Variants in TENM3 observed in about 807,000 individuals in gnomAD.
TENM3 encodes the protein teneurin-3.
Under a neutral mutation model 255.1 loss-of-function variants are expected in TENM3, and 63 were observed. The observed-to-expected ratio is 0.25, with a 90% CI of 0.20 to 0.30. TENM3 has a LOEUF of 0.30. TENM3 is among the 10% of genes least tolerant of loss of function. TENM3 has a pLI of 1.00. For synonymous variants in TENM3, 1,306 were observed against 1,322.3 expected (o/e 0.99, Z 0.27); for missense variants, 2,929 against 3,461.1 (o/e 0.85, Z 3.86).
chr4:182,183,842 T>C (rs1161740978), intron 1 of TENM3, among the ~76,000 whole-genome samples: 1 of 152,216 alleles, frequency 6.6e-6, no homozygotes, highest in Non-Finnish European at 1.5e-5. Context: ...TCTTTTACAT[T>C]CTAGTCTTCA....
chr4:182,480,706 T>C (rs1445877795), intron 3 of TENM3, among the ~76,000 whole-genome samples: 1 of 152,088 alleles, frequency 6.6e-6, no homozygotes, highest in Non-Finnish European at 1.5e-5. Flanking sequence ...ATTTTTCTTT[T>C]TTTTGAAAAA....
At chr4:182,143,414 C>T (rs910377452), upstream of TENM3, 1 of 166,948 alleles carries the variant, frequency 6.0e-6, no homozygotes, top group African/African-American at 2.4e-5. This position sits in a 1 kb window ranked among gnomAD's most constrained non-coding sequence, Gnocchi z 4.3. Context: ...TTTTCAGAGG[C>T]TCTGCAAAGG....
the TENM3 span, among the ~76,000 whole-genome samples, chr4:181,856,214 T>G: frequency 6.6e-6 from 1 of 150,868 alleles, no homozygotes; most frequent in African/African-American, 2.5e-5. Context: ...TCCCAGACCT[T>G]GAGGAATTTA....
the TENM3 span, among the ~76,000 whole-genome samples, chr4:181,789,034 A>T: frequency 6.6e-6 from 1 of 152,154 alleles, no homozygotes; most frequent in African/African-American, 2.4e-5. Flanking sequence ...CGCTGTTGGG[A>T]TACTGGCTAG....
chr4:181,744,956 G>T, the TENM3 span, among the ~76,000 whole-genome samples: 8 of 152,166 alleles, frequency 5.3e-5, no homozygotes, highest in Admixed American at 3.3e-4. Context: ...GGTGAACAGT[G>T]TAATCTGTGA....
At chr4:182,662,954 AGTCCCCT>A (rs1754352298) in intron 6 of TENM3, among the ~76,000 whole-genome samples, 1 of 152,204 alleles carries the variant, frequency 6.6e-6, no homozygotes, top group African/African-American at 2.4e-5. Flanking sequence ...ACGAAACCCT[AGTCCCCT>A]GTATTCAAAC....
chr4:182,796,601 C>T, intron 26 of TENM3, 36 bp from the exon 27 acceptor site: 5 of 1,540,680 alleles, frequency 3.2e-6, no homozygotes, highest in African/African-American at 1.4e-5. Context: ...ACAAAACAAA[C>T]TCCAACACCT....
intron 3 of TENM3, among the ~76,000 whole-genome samples, chr4:182,510,689 G>A (rs565256565): frequency 3.2e-4 from 48 of 152,232 alleles, no homozygotes; most frequent in South Asian, 6.2e-4. Flanking sequence ...GAGAATCTTC[G>A]ACATGTATTT....
chr4:181,821,600 G>A, the TENM3 span: 3 of 152,180 alleles, frequency 2.0e-5, no homozygotes, highest in East Asian at 5.8e-4. Flanking sequence ...GTCTGCCTGA[G>A]CGGTATTTAT....
At chr4:182,776,709 C>T (rs913593396) in intron 24 of TENM3, among the ~76,000 whole-genome samples, 1 of 152,066 alleles carries the variant, frequency 6.6e-6, no homozygotes, top group Admixed American at 6.5e-5. Flanking sequence ...GAGAGGAAAC[C>T]CAGTCTGAAG....
chr4:182,399,342 C>T (rs1163217968), intron 3 of TENM3, among the ~76,000 whole-genome samples: 1 of 151,948 alleles, frequency 6.6e-6, no homozygotes, highest in East Asian at 1.9e-4. Context: ...ATAGAGAGAA[C>T]CTCCTAACTG....
the TENM3 span, among the ~76,000 whole-genome samples, chr4:182,032,972 A>G: frequency 6.8e-6 from 1 of 147,292 alleles, no homozygotes; most frequent in Non-Finnish European, 1.5e-5. Context: ...TATCTATTTT[A>G]TTAATTTTTT....
In TENM3 at chr4:182,773,177, C is replaced by G. The variant is rs1479537682; in HGVS notation, c.4893-295C>G. Among the ~76,000 whole-genome samples the G allele has an allele frequency of 2.0e-5, 3 of 152,130 alleles. No individual in the cohort carries two copies. The East Asian group carries it at 5.8e-4, about 29-fold the overall frequency. On this transcript the variant is annotated intron_variant, in intron 22 of 27. Coordinates refer to ENST00000511685, the MANE Select transcript of TENM3 (RefSeq NM_001080477.4). ...GGAATTTAATATCAGCAAACATGTT[C>G]CCTTTGAAACAGCAAATTAGATGTG... is the stretch of plus-strand genomic sequence containing the variant.
At chr4:181,888,591 C>CGTGTGT in the TENM3 span, among the ~76,000 whole-genome samples, 19,427 of 90,034 alleles carry the variant, frequency 0.22, 2,342 homozygotes, top group East Asian at 0.32. Context: ...TATATATATG[C>CGTGTGT]GTGTGTGTGT....
intron 3 of TENM3, among the ~76,000 whole-genome samples, chr4:182,516,665 T>C (rs961373177): frequency 1.3e-5 from 2 of 151,836 alleles, no homozygotes; most frequent in African/African-American, 4.8e-5. Context: ...CTGAGGCGAG[T>C]GGATCACTTT....
the TENM3 span, among the ~76,000 whole-genome samples, chr4:181,974,578 A>G: frequency 1.8e-3 from 265 of 150,926 alleles, 2 homozygotes; most frequent in Non-Finnish European, 3.1e-3. Flanking sequence ...AAACAAACAA[A>G]CAAAAAAAGA....
the TENM3 span, among the ~76,000 whole-genome samples, chr4:181,641,080 G>T: frequency 1.3e-5 from 2 of 152,048 alleles, no homozygotes; most frequent in East Asian, 3.9e-4. Context: ...TTGAAGCGGG[G>T]CTTCCTTTAG....
In TENM3 at chr4:182,679,696, A is replaced by T; in HGVS notation, c.1357A>T (p.Arg453Trp). The change falls in exon 8 of 28, where the codon AGG becomes TGG. Residue 453 changes from arginine (R) to tryptophan (W), a missense_variant. Physicochemically the swap from Arg to Trp is moderately radical, Grantham distance 101 (BLOSUM62 -3). Around this residue, in one of 6 missense-constraint regions of TENM3, gnomAD observed 1,608 missense variants for 1,884.4 expected, o/e 0.85. Transcript: ENST00000511685. ...CTTCGTGGAGCTCCTGGATGGCAGC[A>T]GGCTGATTGCCAGAGAGCAGCGGAG... ...YDFVELLDGS[R>W]LIAREQRSLL... 6.2e-7 allele frequency: 1 copy of T among 1,613,118 alleles called. No homozygotes were observed. The highest frequency in any genetic ancestry group is 8.5e-7 in the Non-Finnish European group (1 of 1,179,836).
At position 182,283,024 on chromosome 4, in the gene TENM3, C is replaced by T. The variant is rs558267400; in HGVS notation, c.-76+39548C>T. ...AATTACTTCCGCTTTAACAGTCTAC[C>T]GACAATTTCTAACAGTGAAAATACT... On this transcript the variant is annotated intron_variant, in intron 1 of 27. Transcript: ENST00000511685. 1.1e-4 allele frequency among the ~76,000 whole-genome samples: 16 copies of T among 151,942 alleles called. No individual in the cohort carries two copies. The East Asian group carries it at 1.2e-3, about 11-fold the overall frequency.
Sources: allele counts gnomAD v4.1 joint callset (sites outside exome capture counted in the v4.1 genomes callset), GRCh38; gene constraint gnomAD v4.1.1; regional missense constraint gnomAD v4.1.1; non-coding constraint Gnocchi (gnomAD v3.1); transcripts MANE v1.5; gene names NCBI Gene and HGNC (gene_info 2026-07-23, HGNC 2026-07-21).